Variants in FLYWCH1 observed in about 807,000 individuals in gnomAD.
FLYWCH1 encodes FLYWCH-type zinc finger-containing protein 1.
Under a neutral mutation model 66.4 loss-of-function variants are expected in FLYWCH1, and 75 were observed. The observed-to-expected ratio is 1.13, with a 90% CI of 0.94 to 1.37. The LOEUF is 1.37. Ranked by LOEUF, FLYWCH1 falls within the 40% of genes most tolerant of loss-of-function variation. FLYWCH1 has a pLI of 0.00. For synonymous variants in FLYWCH1, 595 were observed against 429.9 expected (o/e 1.38, Z -4.75); for missense variants, 1,334 against 1,001.8 (o/e 1.33, Z -4.48).
Position 2,930,658 on chromosome 16 carries a change from A to G in FLYWCH1, c.574A>G (p.Ser192Gly). The change falls in exon 4 of 10, where the codon AGC becomes GGC. Residue 192 changes from serine (S) to glycine (G), a missense_variant. Coordinates refer to ENST00000253928, the MANE Select transcript of FLYWCH1 (RefSeq NM_001308068.2). Reference protein sequence around the residue: ...EARRQREKLPSLALPEGLGEP... With the variant: ...EARRQREKLPGLALPEGLGEP... ...CCGGCGCCAGAGGGAGAAACTGCCCAGCCTGGCCCTGCCAGAGGGCTTGGG... is the reference window on the plus strand; with the variant it reads ...CCGGCGCCAGAGGGAGAAACTGCCCGGCCTGGCCCTGCCAGAGGGCTTGGG... 6.5e-7 allele frequency: 1 copy of G among 1,546,444 alleles called. No individual in the cohort carries two copies.
intron 6 of FLYWCH1, chr16:2,936,488 A>G (rs1288833670): frequency 1.1e-5 from 3 of 281,036 alleles, no homozygotes; most frequent in Non-Finnish European, 2.2e-5. Flanking sequence ...CTTGCTACCC[A>G]CCCCCATCCC....
chr16:2,929,795 G>C lies in FLYWCH1; in HGVS notation c.110G>C (p.Arg37Thr), dbSNP rs377382334. ...DVIPAAPRKP[R>T]EFSKLVLLTA... ...ATCCCGGCAGCCCCCAGGAAGCCCAGGGAGTTCTCCAAACTGGTGCTGCTC... is the reference window on the plus strand; with the variant it reads ...ATCCCGGCAGCCCCCAGGAAGCCCACGGAGTTCTCCAAACTGGTGCTGCTC... Residue 37 changes from arginine to threonine, a missense_variant, in exon 3 of 10, where the codon AGG becomes ACG. Transcript: ENST00000253928. The C allele has an allele frequency of 6.8e-6, 11 of 1,613,844 alleles. No homozygotes were observed. In the African/African-American group the frequency reaches 1.5e-4, roughly 22 times the overall value.
At chr16:2,936,524 C>G (rs1201168810) in intron 6 of FLYWCH1, 2 of 453,128 alleles carry the variant, frequency 4.4e-6, no homozygotes, top group Non-Finnish European at 8.9e-6. Context: ...CCCGATGTGT[C>G]CACGATGCCC....
chr16:2,925,799 C>A (rs1159554677), intron 2 of FLYWCH1, among the ~76,000 whole-genome samples: 1 of 152,080 alleles, frequency 6.6e-6, no homozygotes, highest in Non-Finnish European at 1.5e-5. Flanking sequence ...TCCTGGGGAC[C>A]GGGCCTTAAT....
chr16:2,939,235 C>T (rs1394070562), intron 8 of FLYWCH1, among the ~76,000 whole-genome samples: 1 of 152,156 alleles, frequency 6.6e-6, no homozygotes, highest in Non-Finnish European at 1.5e-5. Context: ...CACCTGAGGT[C>T]AGGAGTTCGA....
chr16:2,936,884 C>A (rs573230045), intron 6 of FLYWCH1: 4 of 646,272 alleles, frequency 6.2e-6, no homozygotes, highest in Non-Finnish European at 1.1e-5. Context: ...CAAGGTGGGA[C>A]GCTTGGCCGC....
At position 2,933,710 on chromosome 16, in the gene FLYWCH1, C is replaced by A. The variant is rs1347615514; in HGVS notation, c.1250-6C>A. On this transcript the variant is annotated splice_polypyrimidine_tract_variant and splice_region_variant and intron_variant, in intron 5 of 9. Transcript: ENST00000253928. ...CCTCCCCTGACTGCCTCTTGAACCT[C>A]CCCAGGAGGCCCTGAGTTCCTGAAG... 1.6e-5 allele frequency: 25 copies of A among 1,610,594 alleles called. No homozygotes were observed. The highest frequency in any genetic ancestry group is 2.1e-5 in the Non-Finnish European group (25 of 1,178,338).
Position 2,933,941 on chromosome 16 carries a change from G to A in FLYWCH1, c.1475G>A (p.Arg492Gln), listed in dbSNP as rs772465381. The change falls in exon 6 of 10, where the codon CGG (arginine) becomes CAG (glutamine). Residue 492 changes from arginine to glutamine, a missense_variant. By Grantham distance (43) the Arg-to-Gln change is conservative (BLOSUM62 1). Coordinates refer to ENST00000253928, the MANE Select transcript of FLYWCH1 (RefSeq NM_001308068.2). ...GGAGGCCTGGAGGCCCTGAGGCAGCGGGAGAAACGCCCCAACACGGCGCAG... is the reference window on the plus strand; with the variant it reads ...GGAGGCCTGGAGGCCCTGAGGCAGCAGGAGAAACGCCCCAACACGGCGCAG... Reference protein sequence around the residue: ...DLGGLEALRQREKRPNTAQRG... With the variant: ...DLGGLEALRQQEKRPNTAQRG... 59 of 1,562,928 alleles carry A rather than the reference G, an allele frequency of 3.8e-5. No homozygotes were observed. The highest frequency in any genetic ancestry group is 3.6e-4 in the Middle Eastern group (2 of 5,590).
At chr16:2,921,532 C>T (rs1476820338) in intron 2 of FLYWCH1, among the ~76,000 whole-genome samples, 1 of 151,780 alleles carries the variant, frequency 6.6e-6, no homozygotes, top group Non-Finnish European at 1.5e-5. Flanking sequence ...CCTGTCATTA[C>T]CAAAATATTT....
At chr16:2,915,299 C>A (rs1420732199) in intron 2 of FLYWCH1, 2 of 151,560 alleles carry the variant, frequency 1.3e-5, no homozygotes, top group South Asian at 4.1e-4. Context: ...CCACGACCGA[C>A]TAATTTTTTT....
intron 9 of FLYWCH1, among the ~76,000 whole-genome samples, chr16:2,940,757 C>T (rs559117771): frequency 4.1e-4 from 63 of 152,328 alleles, no homozygotes; most frequent in African/African-American, 1.2e-3. Flanking sequence ...TTTGTAATTA[C>T]ATCCCACTAT....
chr16:2,930,413 C>A lies in FLYWCH1; in HGVS notation c.329C>A (p.Ala110Asp). The change falls in exon 4 of 10, where the codon GCC (alanine) becomes GAC (aspartate). Residue 110 changes from alanine (A) to aspartate (D), a missense_variant. Coordinates refer to ENST00000253928, the MANE Select transcript of FLYWCH1 (RefSeq NM_001308068.2). ...CCTAGCCTTCCCGTTCCCCCAGCAG[C>A]CCCTCAGTCCCTGGAGTTCCTGAGG... is the stretch of plus-strand genomic sequence containing the variant. Reference protein sequence around the residue: ...EQKCSKLDAAAPQSLEFLRTP... With the variant: ...EQKCSKLDAADPQSLEFLRTP... 1.4e-6 allele frequency: 2 copies of A among 1,450,866 alleles called. No homozygotes were observed. The highest frequency in any genetic ancestry group is 2.6e-5 in the East Asian group (1 of 39,116). The allele number at this position is 1,450,866 out of a possible 1,614,324, so 89.9% of individuals were successfully genotyped here.
chr16:2,921,947 C>T (rs2070389206), intron 2 of FLYWCH1, among the ~76,000 whole-genome samples: 1 of 152,056 alleles, frequency 6.6e-6, no homozygotes, highest in East Asian at 1.9e-4. Context: ...CCTGTAGTCC[C>T]AGCTACTCAG....
chr16:2,944,324 A>G (rs1459016429), intron 9 of FLYWCH1, among the ~76,000 whole-genome samples: 2 of 145,972 alleles, frequency 1.4e-5, no homozygotes, highest in Non-Finnish European at 3.0e-5. Context: ...TGGGAGGTGG[A>G]GGTTGTGGTG....
chr16:2,919,320 C>T (rs936941250), intron 2 of FLYWCH1, among the ~76,000 whole-genome samples: 2 of 150,192 alleles, frequency 1.3e-5, no homozygotes, highest in African/African-American at 2.5e-5. Flanking sequence ...GGCTGGAGTA[C>T]AGTGGTATGG....
chr16:2,949,955 G>T lies in FLYWCH1; in HGVS notation c.*1228G>T, dbSNP rs2071627349. On this transcript the variant is annotated 3_prime_UTR_variant, in exon 10 of 10. Coordinates refer to ENST00000253928, the MANE Select transcript of FLYWCH1 (RefSeq NM_001308068.2). ...GCTGTTACAGTCACCTGGCCCAGAC[G>T]TAACCTGGACCAAGAGTGGACGGAG... 2 of 152,176 alleles carry T rather than the reference G, an allele frequency of 1.3e-5. No homozygotes were observed. The highest frequency in any genetic ancestry group is 4.8e-5 in the African/African-American group (2 of 41,432). 9.4% of individuals were successfully genotyped at this position (152,176 alleles called of 1,614,324 possible). A position where few individuals can be genotyped will look rare whatever the true frequency, so the allele number is the denominator to read the frequency against.
At chr16:2,929,209 G>A (rs2070674235) in intron 2 of FLYWCH1, among the ~76,000 whole-genome samples, 1 of 152,190 alleles carries the variant, frequency 6.6e-6, no homozygotes, top group Non-Finnish European at 1.5e-5. Flanking sequence ...TGTATCACAG[G>A]TGTCTGTGCC....
rs34247000 is a variant in FLYWCH1, at chr16:2,942,720, CTTTTTT to C, written c.2111+2647_2111+2652del. ...TTCACCCTTGGCTGGCATCTGGGAACTTTTTTTTTTTTTTTTTTTTTTTTGAGACGG... is the reference window on the plus strand; with the variant it reads ...TTCACCCTTGGCTGGCATCTGGGAACTTTTTTTTTTTTTTTTTTGAGACGG... On this transcript the variant is annotated intron_variant, in intron 9 of 9. Transcript: ENST00000253928. Among the ~76,000 whole-genome samples, 51 of 82,794 alleles carry C rather than the reference CTTTTTT, an allele frequency of 6.2e-4. 1 individual carries two copies. The South Asian group carries it at 9.2e-3, about 15-fold the overall frequency. The allele number at this position is 82,794 out of a possible 152,430, so 54.3% of individuals were successfully genotyped here. A position where few individuals can be genotyped will look rare whatever the true frequency, so the allele number is the denominator to read the frequency against.
intron 2 of FLYWCH1, among the ~76,000 whole-genome samples, chr16:2,920,635 T>A (rs950954366): frequency 5.3e-5 from 8 of 151,912 alleles, no homozygotes; most frequent in African/African-American, 1.7e-4. Flanking sequence ...CAGGCTGGAG[T>A]GCAATAGCGT....
Sources: gnomAD v4.1 joint callset for allele counts (sites outside exome capture counted in the v4.1 genomes callset) on GRCh38, gnomAD v4.1.1 for gene constraint, MANE v1.5 for transcripts, NCBI Gene and HGNC (gene_info 2026-07-23, HGNC 2026-07-21) for gene names.